Variants in PATE3 observed in about 807,000 individuals in gnomAD.
The protein encoded by PATE3 is prostate and testis expressed protein 3.
PATE3 carries 7 observed loss-of-function variants against 7.4 expected under a neutral mutation model. The observed-to-expected ratio is 0.95, with a 90% CI of 0.54 to 1.78. The LOEUF (loss-of-function observed/expected upper bound fraction) is 1.78, where lower values mean the gene tolerates loss of function less well. PATE3 is among the 40% of genes most tolerant of loss of function. PATE3 has a pLI of 0.00. For missense variants in PATE3, 117 were observed against 122.5 expected, an observed-to-expected ratio of 0.96 and a Z score of 0.21; for synonymous variants, 38 against 40.2, an observed-to-expected ratio of 0.94 and a Z score of 0.21.
Position 125,790,742 on chromosome 11 carries a change from T to C in PATE3, c.*140T>C, listed in dbSNP as rs973738855. 5 of 808,952 alleles carry C rather than the reference T, an allele frequency of 6.2e-6. No individual in the cohort carries two copies. Among genetic ancestry groups the C allele is most frequent in the African/African-American group, 5.2e-5 (3 of 57,470 alleles). The allele number at this position is 808,952 out of a possible 1,614,324, so 50.1% of individuals were successfully genotyped here. On this transcript the variant is annotated 3_prime_UTR_variant, in exon 3 of 3. Transcript: ENST00000445202. ...CATTAACCTAAGAAGACTAAACTAG[T>C]GTGATCCTTTCTGGTGTCTTCAGCT...
chr11:125,790,145 G>T (rs1405822589), intron 2 of PATE3, among the ~76,000 whole-genome samples: 1 of 152,216 alleles, frequency 6.6e-6, no homozygotes, highest in Non-Finnish European at 1.5e-5. Context: ...GAGAAGAGTG[G>T]TGGAAGGAGA....
At chr11:125,788,371 T>A (rs1247701346) in intron 1 of PATE3, among the ~76,000 whole-genome samples, 171 bp downstream of exon 1, 1 of 152,140 alleles carries the variant, frequency 6.6e-6, no homozygotes, top group Non-Finnish European at 1.5e-5. Context: ...CTTCCATCCT[T>A]TTCAGCCTCC....
rs1384215584 is a variant in PATE3 at position 125,791,014 on chromosome 11, T to C, written c.*412T>C. The C allele has an allele frequency of 6.5e-6, 1 of 154,048 alleles. No individual in the cohort carries two copies. The highest frequency in any genetic ancestry group is 1.4e-5 in the Non-Finnish European group (1 of 69,456). 9.5% of individuals were successfully genotyped at this position (154,048 alleles called of 1,614,324 possible). A position where few individuals can be genotyped will look rare whatever the true frequency, so the allele number is the denominator to read the frequency against. ...TATCCGGAGAATGACTAAGCAGAAA[T>C]AGCAATTAAATGGATGATGGATACT... On this transcript the variant is annotated 3_prime_UTR_variant, in exon 3 of 3. Transcript: ENST00000445202.
Position 125,790,565 on chromosome 11 carries a change from C to A in PATE3, c.260C>A (p.Thr87Lys). 2 of 1,551,388 alleles carry A rather than the reference C, an allele frequency of 1.3e-6. No individual in the cohort carries two copies. The highest frequency in any genetic ancestry group is 8.7e-7 in the Non-Finnish European group (1 of 1,146,784). ...CTCAGGAATCGGACTTATGTTCATA[C>A]ATGCTGCAACTACAATTACTGTAAC... ...FDLRNRTYVH[T>K]CCNYNYCNFK... The change falls in exon 3 of 3, where the codon ACA becomes AAA. Residue 87 changes from threonine (T) to lysine (K), a missense_variant. Coordinates refer to ENST00000445202, the MANE Select transcript of PATE3 (RefSeq NM_001129883.4).
rs1943592244 is a variant in PATE3 at position 125,789,493 on chromosome 11, T to G, written c.157T>G (p.Leu53Val). 1.3e-6 allele frequency: 2 copies of G among 1,551,240 alleles called. No individual in the cohort carries two copies. Among genetic ancestry groups the G allele is most frequent in the Non-Finnish European group, 1.7e-6 (2 of 1,146,616 alleles). Residue 53 changes from leucine (L) to valine (V), a missense_variant, in exon 2 of 3, where the codon TTA (leucine) becomes GTA (valine). Leu to Val is a conservative substitution (Grantham distance 32). Transcript: ENST00000445202. Reference sequence around the variant, plus strand: ...TCAGAAGGGCGAGGCATGCATGCTCTTAAGGATTTACCAGCGTAAGTTAGA... The same window carrying G: ...TCAGAAGGGCGAGGCATGCATGCTCGTAAGGATTTACCAGCGTAAGTTAGA... ...TAQKGEACML[L>V]RIYQRNTLQI... is the part of the protein sequence containing the mutation.
chr11:125,791,558 T>C lies in PATE3; in HGVS notation c.*956T>C, dbSNP rs1031877372. 1 of 152,236 alleles carries C rather than the reference T, an allele frequency of 6.6e-6. No individual in the cohort carries two copies. The highest frequency in any genetic ancestry group is 1.5e-5 in the Non-Finnish European group (1 of 68,070). 9.4% of individuals were successfully genotyped at this position (152,236 alleles called of 1,614,324 possible). A position where few individuals can be genotyped will look rare whatever the true frequency, so the allele number is the denominator to read the frequency against. On this transcript the variant is annotated 3_prime_UTR_variant, in exon 3 of 3. Coordinates refer to ENST00000445202, the MANE Select transcript of PATE3 (RefSeq NM_001129883.4). ...GGCCTGGGTCAAAGAGATTTGTCTG[T>C]CCCTTGCTGCCCATCTTTAAGTAAT...
Position 125,789,371 on chromosome 11 carries a change from C to G in PATE3, c.50-15C>G. 1 of 1,549,776 alleles carries G rather than the reference C, an allele frequency of 6.5e-7. No individual in the cohort carries two copies. The highest frequency in any genetic ancestry group is 8.7e-7 in the Non-Finnish European group (1 of 1,145,492). On this transcript the variant is annotated splice_polypyrimidine_tract_variant and intron_variant, in intron 1 of 2. Coordinates refer to ENST00000445202, the MANE Select transcript of PATE3 (RefSeq NM_001129883.4). ...GCTTTTGCCTAGTCTCACACCATCT[C>G]TATGCTCTCTCCAGCAGTGACATCA...
rs760066913 is a variant in PATE3, at chr11:125,789,427, C to A, written c.91C>A (p.Arg31=). The A allele has an allele frequency of 2.6e-6, 4 of 1,551,614 alleles. No individual in the cohort carries two copies. The highest frequency in any genetic ancestry group is 3.9e-5 in the Admixed American group (2 of 51,016). ...GTGCATAACATGCCACCTTCGCACACGGACAGACCGCTGTAGAAGAGGCTT... is the reference window on the plus strand; with the variant it reads ...GTGCATAACATGCCACCTTCGCACAAGGACAGACCGCTGTAGAAGAGGCTT... ...LQCITCHLRT[R]TDRCRRGFGV... The change falls in exon 2 of 3, where the codon CGG becomes AGG. Residue 31 remains arginine, a synonymous_variant. Transcript: ENST00000445202.
intron 2 of PATE3, among the ~76,000 whole-genome samples, chr11:125,789,737 A>C (rs1943593926): frequency 6.6e-6 from 1 of 152,132 alleles, no homozygotes; most frequent in South Asian, 2.1e-4. Context: ...TTTTTTTTTG[A>C]TAATCGACAC....
At chr11:125,789,994 G>A (rs1169276838) in intron 2 of PATE3, among the ~76,000 whole-genome samples, 2 of 152,160 alleles carry the variant, frequency 1.3e-5, no homozygotes, top group Admixed American at 6.5e-5. Context: ...CAGAAACAGA[G>A]GTGAGCCTGG....
rs1943608927 is a variant in PATE3 at position 125,791,291 on chromosome 11, C to T, written c.*689C>T. 6.6e-6 allele frequency: 1 copy of T among 152,292 alleles called. No individual in the cohort carries two copies. The highest frequency in any genetic ancestry group is 2.1e-4 in the South Asian group (1 of 4,830). 9.4% of individuals were successfully genotyped at this position (152,292 alleles called of 1,614,324 possible). ...TTCCCCTTCCTTTCCTAAACCTTCT[C>T]TCTTCCTTTCCCCCTTTGCCATTCA... On this transcript the variant is annotated 3_prime_UTR_variant, in exon 3 of 3. Coordinates refer to ENST00000445202, the MANE Select transcript of PATE3 (RefSeq NM_001129883.4).
intron 1 of PATE3, among the ~76,000 whole-genome samples, chr11:125,788,632 C>T (rs1355364958): frequency 2.0e-5 from 3 of 152,112 alleles, no homozygotes; most frequent in Admixed American, 2.0e-4. Context: ...ACAAGTAATT[C>T]TATGAGAGGA....
intron 1 of PATE3, 57 bp from the exon 2 acceptor site, chr11:125,789,329 C>G (rs1454954875): frequency 8.7e-6 from 13 of 1,497,794 alleles, no homozygotes; most frequent in Admixed American, 2.0e-5. Flanking sequence ...ATATTTCTAA[C>G]TCCATCCCAA....
At chr11:125,788,557 A>G (rs908673642) in intron 1 of PATE3, among the ~76,000 whole-genome samples, 1 of 152,124 alleles carries the variant, frequency 6.6e-6, no homozygotes, top group African/African-American at 2.4e-5. Flanking sequence ...ATAATGAATA[A>G]TTTTCAGTTT....
At chr11:125,789,799 A>G (rs751814547) in intron 2 of PATE3, among the ~76,000 whole-genome samples, 1 of 152,192 alleles carries the variant, frequency 6.6e-6, no homozygotes, top group Non-Finnish European at 1.5e-5. Context: ...ACAAGCCTTC[A>G]ATGTGTAATG....
rs777350104 is a variant in PATE3, at chr11:125,788,215, T to C, written c.49+15T>C. 8 of 1,547,774 alleles carry C rather than the reference T, an allele frequency of 5.2e-6. No homozygotes were observed. Among genetic ancestry groups the C allele is most frequent in the East Asian group, 4.9e-5 (2 of 40,884 alleles). On this transcript the variant is annotated intron_variant, in intron 1 of 2. Transcript: ENST00000445202. ...CCTCATTGTGGGTGAGTCCTGGACC[T>C]GAGGGGTATACTTGAGAGACAGGAT...
chr11:125,789,370 T>A lies in PATE3; in HGVS notation c.50-16T>A. The A allele has an allele frequency of 6.5e-7, 1 of 1,549,668 alleles. No individual in the cohort carries two copies. Among genetic ancestry groups the A allele is most frequent in the Non-Finnish European group, 8.7e-7 (1 of 1,145,450 alleles). On this transcript the variant is annotated splice_polypyrimidine_tract_variant and intron_variant, in intron 1 of 2. Coordinates refer to ENST00000445202, the MANE Select transcript of PATE3 (RefSeq NM_001129883.4). ...TGCTTTTGCCTAGTCTCACACCATC[T>A]CTATGCTCTCTCCAGCAGTGACATC...
chr11:125,789,607 GC>G, intron 2 of PATE3, 99 bp downstream of exon 2: 1 of 1,377,282 alleles, frequency 7.3e-7, no homozygotes, highest in South Asian at 1.4e-5. Flanking sequence ...AATGCAGAAT[GC>G]CCCTGAGCAC....
At chr11:125,788,991 T>C (rs1943588194) in intron 1 of PATE3, among the ~76,000 whole-genome samples, 1 of 152,160 alleles carries the variant, frequency 6.6e-6, no homozygotes, top group South Asian at 2.1e-4. Flanking sequence ...ACAGAATATA[T>C]CACCTAACAA....
Sources: gnomAD v4.1 joint callset for allele counts (sites outside exome capture counted in the v4.1 genomes callset) on GRCh38, gnomAD v4.1.1 for gene constraint, MANE v1.5 for transcripts, NCBI Gene and HGNC (gene_info 2026-07-23, HGNC 2026-07-21) for gene names.